SEMA3D: variants seen among roughly 807,000 people sequenced by gnomAD.
SEMA3D encodes semaphorin 3D, also known as semaphorin-3D.
A neutral mutation model predicts 100.1 loss-of-function variants in SEMA3D; 84 were observed. The ratio of observed to expected loss-of-function variants is 0.84; its 90% CI spans 0.70 to 1.01. The LOEUF (loss-of-function observed/expected upper bound fraction) is 1.01. SEMA3D is among the 50% of genes least tolerant of loss of function. The pLI, the probability that SEMA3D is intolerant of heterozygous loss-of-function variation, is 0.00. For missense variants in SEMA3D, 875 were observed against 934.1 expected, an observed-to-expected ratio of 0.94 and a Z score of 0.82; for synonymous variants, 312 against 320.7, an observed-to-expected ratio of 0.97 and a Z score of 0.29.
chr7:85,017,999 A>G (rs1790151599), intron 15 of SEMA3D, among the ~76,000 whole-genome samples: 2 of 151,732 alleles, frequency 1.3e-5, no homozygotes, highest in Admixed American at 1.3e-4. Flanking sequence ...TTCTCATGAG[A>G]CTAGGAAAGT....
At chr7:85,069,534 T>C (rs972165527) in intron 6 of SEMA3D, among the ~76,000 whole-genome samples, 1 of 152,172 alleles carries the variant, frequency 6.6e-6, no homozygotes, top group Non-Finnish European at 1.5e-5. Context: ...TTCCATGTGC[T>C]TCCTGAAATA....
chr7:85,089,879 G>C (rs941395788), intron 4 of SEMA3D, among the ~76,000 whole-genome samples: 13 of 151,970 alleles, frequency 8.6e-5, no homozygotes, highest in African/African-American at 3.1e-4. Context: ...TGACAGGAGT[G>C]CGAACCTATC....
chr7:85,150,381 C>T lies in SEMA3D; in HGVS notation c.-41+3227G>A, dbSNP rs923352182. 1.6e-4 allele frequency among the ~76,000 whole-genome samples: 22 copies of T among 136,786 alleles called. 1 individual carries two copies. The highest frequency in any genetic ancestry group is 5.4e-4 in the African/African-American group (20 of 37,324). The allele number at this position is 136,786 out of a possible 152,430, so 89.7% of individuals were successfully genotyped here. On this transcript the variant is annotated intron_variant, in intron 2 of 18. Coordinates refer to ENST00000284136, the MANE Select transcript of SEMA3D (RefSeq NM_001384900.1). ...TATATATATATATTATATATATATA[C>T]ACACACACATATATTTACAGGGATA...
At chr7:85,155,202 A>G (rs1157698660) in intron 1 of SEMA3D, among the ~76,000 whole-genome samples, 2 of 152,150 alleles carry the variant, frequency 1.3e-5, no homozygotes, top group Non-Finnish European at 2.9e-5. Flanking sequence ...TGACTTAAAA[A>G]AAGTTTTTCA....
chr7:85,050,861 C>A, intron 9 of SEMA3D: 1 of 400,304 alleles, frequency 2.5e-6, no homozygotes, highest in Non-Finnish European at 4.5e-6. Context: ...GCAAAATACA[C>A]GCACCACTAC....
At chr7:85,185,555 C>T (rs773494850) in intron 1 of SEMA3D, among the ~76,000 whole-genome samples, 6 of 152,156 alleles carry the variant, frequency 3.9e-5, no homozygotes, top group Non-Finnish European at 7.3e-5. Context: ...GCTGAAAGTT[C>T]GGCTATTTAA....
At chr7:85,088,373 C>G (rs1788285179) in intron 4 of SEMA3D, among the ~76,000 whole-genome samples, 1 of 152,114 alleles carries the variant, frequency 6.6e-6, no homozygotes, top group African/African-American at 2.4e-5. Context: ...TGCCCCTCAG[C>G]CTAATTCAGA....
chr7:85,068,348 G>C (rs1003948871), intron 6 of SEMA3D, 64 bp from the exon 7 acceptor site: 2 of 872,904 alleles, frequency 2.3e-6, no homozygotes, highest in Non-Finnish European at 3.8e-6. Context: ...AAGAATGTGG[G>C]AGATACAAAC....
At chr7:85,240,116 T>C in the SEMA3D span, among the ~76,000 whole-genome samples, 1 of 152,128 alleles carries the variant, frequency 6.6e-6, no homozygotes, top group East Asian at 1.9e-4. Flanking sequence ...GCTTTAAGTT[T>C]CTTATTAAGT....
Position 85,015,070 on chromosome 7 carries a change from A to C in SEMA3D, c.1692T>G (p.Pro564=), listed in dbSNP as rs771617503. ...WDGNACSRYA[P]TSKRRARRQD... is the part of the protein sequence containing the mutation. ...CATGTGCCTCTTACCTTTTAGAAGTAGGAGCATATCGAGAGCATGCATTTC... is the reference window on the plus strand; with the variant it reads ...CATGTGCCTCTTACCTTTTAGAAGTCGGAGCATATCGAGAGCATGCATTTC... The change falls in exon 16 of 19, where the codon CCT becomes CCG. Residue 564 remains proline, a synonymous_variant. Coordinates refer to ENST00000284136, the MANE Select transcript of SEMA3D (RefSeq NM_001384900.1). The C allele has an allele frequency of 2.5e-6, 4 of 1,611,048 alleles. No homozygotes were observed. In the East Asian group the frequency reaches 8.9e-5, roughly 36 times the overall value.
At chr7:85,200,335 G>A in the SEMA3D span, among the ~76,000 whole-genome samples, 3 of 152,170 alleles carry the variant, frequency 2.0e-5, no homozygotes, top group Admixed American at 1.3e-4. Context: ...TAGGGATATG[G>A]ACAATAAAGT....
the SEMA3D span, among the ~76,000 whole-genome samples, chr7:85,230,975 AAC>A: frequency 2.6e-5 from 4 of 152,224 alleles, no homozygotes; most frequent in Admixed American, 2.6e-4. Context: ...CCAGTTCTTG[AAC>A]ACTTGGGGCT....
At position 85,015,340 on chromosome 7, in the gene SEMA3D, C is replaced by T; in HGVS notation, c.1546-124G>A. ...CTCTGGGTGTCCTGCCCATTGTAAA[C>T]ACTTGTACAGAAACATAATGAGGAG... On this transcript the variant is annotated intron_variant, in intron 15 of 18. Transcript: ENST00000284136. The T allele has an allele frequency of 3.8e-6, 3 of 793,382 alleles. No homozygotes were observed. In the South Asian group the frequency reaches 5.8e-5, roughly 15 times the overall value. 49.1% of individuals were successfully genotyped at this position (793,382 alleles called of 1,614,324 possible).
intron 3 of SEMA3D, among the ~76,000 whole-genome samples, chr7:85,116,856 C>T (rs1789258504): frequency 6.6e-6 from 1 of 152,070 alleles, no homozygotes; most frequent in Non-Finnish European, 1.5e-5. Flanking sequence ...GCACCATTTG[C>T]TTTCCACACT....
chr7:85,178,272 A>G (rs1011273032), intron 1 of SEMA3D, among the ~76,000 whole-genome samples: 1 of 152,204 alleles, frequency 6.6e-6, no homozygotes, highest in African/African-American at 2.4e-5. Flanking sequence ...ATACCTGAAA[A>G]TGTGGAAGCG....
chr7:85,119,168 G>C (rs1206022652), intron 3 of SEMA3D, among the ~76,000 whole-genome samples: 1 of 152,180 alleles, frequency 6.6e-6, no homozygotes, highest in Non-Finnish European at 1.5e-5. Flanking sequence ...CTGTTTGTGG[G>C]AGTGTAAATT....
intron 3 of SEMA3D, among the ~76,000 whole-genome samples, chr7:85,104,997 C>A (rs1397597619): frequency 1.3e-5 from 2 of 152,004 alleles, no homozygotes; most frequent in Non-Finnish European, 2.9e-5. Flanking sequence ...TCCCTGCCAT[C>A]TCAGGATATT....
intron 1 of SEMA3D, among the ~76,000 whole-genome samples, chr7:85,161,722 C>T (rs1017533377): frequency 6.6e-6 from 1 of 152,048 alleles, no homozygotes; most frequent in Admixed American, 6.6e-5. Context: ...TTCTATGAAT[C>T]ACTCTGTAAT....
chr7:85,225,727 G>T, the SEMA3D span, among the ~76,000 whole-genome samples: 3,872 of 152,176 alleles, frequency 0.025, 73 homozygotes, highest in South Asian at 0.069. Flanking sequence ...CCTAGACACT[G>T]CTGTGGGGTC....
Sources: allele counts gnomAD v4.1 joint callset (sites outside exome capture counted in the v4.1 genomes callset), GRCh38; gene constraint gnomAD v4.1.1; transcripts MANE v1.5; gene names NCBI Gene and HGNC (gene_info 2026-07-23, HGNC 2026-07-21).